BEND3: variants seen among roughly 807,000 people sequenced by gnomAD.
BEND3 encodes BEN domain containing 3.
Under a neutral mutation model 60.1 loss-of-function variants are expected in BEND3, and 13 were observed. That is an observed-to-expected ratio of 0.22 (90% confidence interval 0.14 to 0.34). The LOEUF is 0.34. Among genes scored for constraint, BEND3 ranks in the 10% least tolerant of loss-of-function variants. The probability of loss-of-function intolerance (pLI) is 1.00; values close to 1 mark genes in which losing one functional copy is unlikely to be tolerated. For missense variants in BEND3, 896 were observed against 1,138.1 expected, an observed-to-expected ratio of 0.79 and a Z score of 3.06; for synonymous variants, 497 against 491.5, an observed-to-expected ratio of 1.01 and a Z score of -0.15.
intron 3 of BEND3, among the ~76,000 whole-genome samples, chr6:107,073,201 G>GTATATATA (rs782669876): frequency 8.0e-4 from 18 of 22,590 alleles, no homozygotes; most frequent in Non-Finnish European, 1.0e-3. Flanking sequence ...GTATGTGTAT[G>GTATATATA]TATATATATA....
At chr6:107,111,113 C>T (rs1582677530) in intron 1 of BEND3, among the ~76,000 whole-genome samples, 4 of 152,060 alleles carry the variant, frequency 2.6e-5, no homozygotes, top group Non-Finnish European at 5.9e-5. Flanking sequence ...TGCAATGGGC[C>T]TAGACTGTGC....
intron 3 of BEND3, among the ~76,000 whole-genome samples, chr6:107,088,039 C>CTATTTTTTTTT (rs1775394867): frequency 7.9e-6 from 1 of 126,114 alleles, no homozygotes; most frequent in African/African-American, 3.1e-5. Context: ...CAGGTTCTTG[C>CTATTTTTTTTT]TTTGTTCCCC....
intron 2 of BEND3, 51 bp downstream of exon 2, chr6:107,099,198 T>C: frequency 7.0e-7 from 1 of 1,435,496 alleles, no homozygotes; most frequent in Non-Finnish European, 9.8e-7. Flanking sequence ...TATGACCTGA[T>C]CAAAAGTATT....
At position 107,069,885 on chromosome 6, in the gene BEND3, C is replaced by G. The variant is rs782323136; in HGVS notation, c.1306G>C (p.Gly436Arg). 1.9e-6 allele frequency: 3 copies of G among 1,613,872 alleles called. No homozygotes were observed. The highest frequency in any genetic ancestry group is 1.7e-6 in the Non-Finnish European group (2 of 1,180,018). ...TCCAGCTCCTGCTTTCCACCGTCCC[C>G]GTAGCAGCTGTACTGTTCACCCAGC... ...RKLGEQYSCY[G>R]DGGKQELDPQ... Residue 436 changes from glycine to arginine, a missense_variant, in exon 4 of 4, where the codon GGG becomes CGG. Gly to Arg is a moderately radical substitution (Grantham distance 125). This residue lies in a region of BEND3 where 846 missense variants were observed against 1,036.7 expected (regional missense o/e 0.82). Transcript: ENST00000369042.
chr6:107,113,365 G>A (rs1582680287), intron 1 of BEND3, among the ~76,000 whole-genome samples: 1 of 149,150 alleles, frequency 6.7e-6, no homozygotes, highest in East Asian at 2.0e-4. Context: ...TTGAACCCGG[G>A]AGGCAGACGT....
At chr6:107,111,523 A>G (rs141717084) in intron 1 of BEND3, among the ~76,000 whole-genome samples, 5 of 120,650 alleles carry the variant, frequency 4.1e-5, no homozygotes, top group Non-Finnish European at 9.2e-5. Context: ...AAAAAAAAAA[A>G]GAGAGAGATA....
At position 107,068,480 on chromosome 6, in the gene BEND3, C is replaced by T. The variant is rs1022696303; in HGVS notation, c.*224G>A. On this transcript the variant is annotated 3_prime_UTR_variant, in exon 4 of 4. Transcript: ENST00000369042. The surrounding 1 kb of genome is among the most constrained non-coding windows in gnomAD (Gnocchi z 5.8). ...TCTCCCCACACTCAGGCTGCCCCGC[C>T]GGGGCACATAGGACAGAAGTTGTAA... 30 of 542,208 alleles carry T rather than the reference C, an allele frequency of 5.5e-5. No homozygotes were observed. Among genetic ancestry groups the T allele is most frequent in the Admixed American group, 1.1e-4 (3 of 27,594 alleles). The allele number at this position is 542,208 out of a possible 1,614,324, so 33.6% of individuals were successfully genotyped here.
chr6:107,093,354 A>G (rs945743104), intron 3 of BEND3, among the ~76,000 whole-genome samples: 7 of 152,002 alleles, frequency 4.6e-5, no homozygotes, highest in Non-Finnish European at 7.4e-5. Flanking sequence ...CCAGCTACTC[A>G]GGAGGCTGAG....
intron 3 of BEND3, among the ~76,000 whole-genome samples, chr6:107,076,865 C>T (rs575732645): frequency 6.6e-6 from 1 of 152,122 alleles, no homozygotes; most frequent in African/African-American, 2.4e-5. Flanking sequence ...CAGGATCTCA[C>T]TCTGTTGCCC....
intron 1 of BEND3, among the ~76,000 whole-genome samples, chr6:107,103,616 T>C (rs60935643): frequency 0.085 from 12,952 of 152,184 alleles, 1,927 homozygotes; most frequent in African/African-American, 0.3. Context: ...GTCTGTTCTA[T>C]GTCCCTCAGA....
In BEND3 at chr6:107,069,202, C is replaced by A. The variant is rs372235391; in HGVS notation, c.1989G>T (p.Pro663=). The part of the protein sequence containing the change: ...SYQQQRKVHV[P]GPECRDLTSY... ...TGGTCAAGTCTCTGCACTCAGGGCCCGGCACGTGGACCTTGCGCTGCTGCT... is the reference window on the plus strand; with the variant it reads ...TGGTCAAGTCTCTGCACTCAGGGCCAGGCACGTGGACCTTGCGCTGCTGCT... The change falls in exon 4 of 4, where the codon CCG becomes CCT. Residue 663 remains proline (P), a synonymous_variant. Coordinates refer to ENST00000369042, the MANE Select transcript of BEND3 (RefSeq NM_001367314.1). The A allele has an allele frequency of 6.2e-7, 1 of 1,612,358 alleles. No homozygotes were observed. The highest frequency in any genetic ancestry group is 8.5e-7 in the Non-Finnish European group (1 of 1,180,002).
At chr6:107,084,107 C>T (rs1264471655) in intron 3 of BEND3, among the ~76,000 whole-genome samples, 1 of 152,194 alleles carries the variant, frequency 6.6e-6, no homozygotes, top group Non-Finnish European at 1.5e-5. Flanking sequence ...GGTAAGGTCA[C>T]AGGGCAAACC....
chr6:107,077,267 G>A (rs550853399), intron 3 of BEND3, among the ~76,000 whole-genome samples: 2 of 152,150 alleles, frequency 1.3e-5, no homozygotes, highest in East Asian at 1.9e-4. Context: ...CACCACATCT[G>A]GCCAAAACAA....
intron 3 of BEND3, among the ~76,000 whole-genome samples, chr6:107,075,443 G>A (rs1775081377): frequency 3.3e-5 from 5 of 152,122 alleles, no homozygotes. Context: ...GAAAACCATT[G>A]CCCTAACAAA....
At chr6:107,073,852 C>A (rs1403786838) in intron 3 of BEND3, among the ~76,000 whole-genome samples, 2 of 151,830 alleles carry the variant, frequency 1.3e-5, no homozygotes, top group Non-Finnish European at 2.9e-5. Flanking sequence ...CACCACTGCA[C>A]TCCAGCCTGG....
At chr6:107,076,506 G>A (rs1219256827) in intron 3 of BEND3, among the ~76,000 whole-genome samples, 1 of 152,118 alleles carries the variant, frequency 6.6e-6, no homozygotes, top group Non-Finnish European at 1.5e-5. Context: ...ACAAGTGAGG[G>A]GTAAATAGAC....
At chr6:107,082,367 G>T (rs1056071828) in intron 3 of BEND3, among the ~76,000 whole-genome samples, 2 of 152,164 alleles carry the variant, frequency 1.3e-5, no homozygotes, top group East Asian at 3.8e-4. Context: ...CCCTGAATGT[G>T]TCAGGCCAAA....
intron 3 of BEND3, among the ~76,000 whole-genome samples, chr6:107,082,361 G>A (rs781941901): frequency 6.6e-6 from 1 of 152,172 alleles, no homozygotes; most frequent in African/African-American, 2.4e-5. Flanking sequence ...ACCCAGCCCT[G>A]AATGTGTCAG....
intron 3 of BEND3, among the ~76,000 whole-genome samples, chr6:107,087,130 G>A (rs1013693762): frequency 1.3e-5 from 2 of 151,312 alleles, no homozygotes; most frequent in Admixed American, 1.3e-4. Context: ...TCAGGAATTC[G>A]AGACCAGCCT....
Sources: allele counts gnomAD v4.1 joint callset (sites outside exome capture counted in the v4.1 genomes callset), GRCh38; gene constraint gnomAD v4.1.1; regional missense constraint gnomAD v4.1.1; non-coding constraint Gnocchi (gnomAD v3.1); transcripts MANE v1.5; gene names NCBI Gene and HGNC (gene_info 2026-07-23, HGNC 2026-07-21).